RNLS: variants seen among roughly 807,000 people sequenced by gnomAD.
RNLS encodes the protein renalase.
RNLS carries 39 observed loss-of-function variants against 39.8 expected under a neutral mutation model. That is an observed-to-expected ratio of 0.98 (90% CI 0.76 to 1.28). The LOEUF is 1.28. RNLS is among the 50% of genes most tolerant of loss of function. The pLI is 0.00. For missense variants in RNLS, 410 were observed against 413.3 expected, an observed-to-expected ratio of 0.99 and a Z score of 0.07; for synonymous variants, 147 against 150.7, an observed-to-expected ratio of 0.98 and a Z score of 0.18.
At chr10:88,267,444 C>T in the RNLS span, among the ~76,000 whole-genome samples, 7 of 152,158 alleles carry the variant, frequency 4.6e-5, no homozygotes, top group East Asian at 5.8e-4. Context: ...AGTATGGTGG[C>T]GCAAATCTAT....
At chr10:88,554,754 G>C (rs961130891) in intron 4 of RNLS, among the ~76,000 whole-genome samples, 2 of 152,002 alleles carry the variant, frequency 1.3e-5, no homozygotes, top group Non-Finnish European at 2.9e-5. Flanking sequence ...TCTTATTCAA[G>C]ACCATGACTT....
At chr10:88,243,014 A>C in the RNLS span, among the ~76,000 whole-genome samples, 2 of 152,210 alleles carry the variant, frequency 1.3e-5, no homozygotes, top group Non-Finnish European at 2.9e-5. Flanking sequence ...TTTGGATACC[A>C]GCTCCACAGT....
chr10:88,474,040 C>T (rs1386253663), intron 4 of RNLS, among the ~76,000 whole-genome samples: 1 of 152,070 alleles, frequency 6.6e-6, no homozygotes, highest in Non-Finnish European at 1.5e-5. Flanking sequence ...ATGATACATG[C>T]TATCTCCATT....
At chr10:88,558,851 C>T (rs990179448) in intron 4 of RNLS, among the ~76,000 whole-genome samples, 5 of 152,122 alleles carry the variant, frequency 3.3e-5, no homozygotes, top group Non-Finnish European at 7.4e-5. Flanking sequence ...AGGCTAATAA[C>T]TGTTTTTTCT....
At chr10:88,358,907 T>C (rs1849407299) in intron 5 of RNLS, among the ~76,000 whole-genome samples, 1 of 152,230 alleles carries the variant, frequency 6.6e-6, no homozygotes, top group Non-Finnish European at 1.5e-5. Context: ...TTCTCTACCT[T>C]GACAGAACAC....
At chr10:88,543,353 A>T (rs2134294613) in intron 4 of RNLS, among the ~76,000 whole-genome samples, 1 of 152,274 alleles carries the variant, frequency 6.6e-6, no homozygotes, top group South Asian at 2.1e-4. Context: ...TGTCAGGAAC[A>T]ACCAAACACC....
the RNLS span, among the ~76,000 whole-genome samples, chr10:88,202,455 A>T: frequency 6.6e-6 from 1 of 152,086 alleles, no homozygotes; most frequent in Non-Finnish European, 1.5e-5. Flanking sequence ...TAAAAAAAAA[A>T]TGTATTTTTA....
intron 4 of RNLS, among the ~76,000 whole-genome samples, chr10:88,505,119 T>C (rs1332561534): frequency 2.0e-5 from 3 of 151,772 alleles, no homozygotes; most frequent in Admixed American, 6.6e-5. Context: ...ACATTCCCTA[T>C]TAAAAGAAAC....
At chr10:88,509,572 T>C (rs1192056870) in intron 4 of RNLS, among the ~76,000 whole-genome samples, 2 of 151,962 alleles carry the variant, frequency 1.3e-5, no homozygotes, top group Non-Finnish European at 2.9e-5. Context: ...ATATAAAGCA[T>C]TTGATTGCCT....
At chr10:88,231,968 G>GTGTGTGTC in the RNLS span, among the ~76,000 whole-genome samples, 6 of 142,178 alleles carry the variant, frequency 4.2e-5, no homozygotes, top group Non-Finnish European at 9.3e-5. Context: ...GTGTGTGTGT[G>GTGTGTGTC]TGTCTGTCTC....
chr10:88,419,868 T>G (rs926868469), intron 4 of RNLS, among the ~76,000 whole-genome samples: 1 of 151,754 alleles, frequency 6.6e-6, no homozygotes, highest in African/African-American at 2.4e-5. Context: ...AAATTAGCCA[T>G]GCATGGTGGT....
intron 4 of RNLS, among the ~76,000 whole-genome samples, chr10:88,489,935 TAGAGA>T (rs1844790552): frequency 6.6e-6 from 1 of 152,120 alleles, no homozygotes; most frequent in Admixed American, 6.6e-5. Context: ...GTTGAGCAAC[TAGAGA>T]TGAGATATTG....
chr10:88,358,398 GTTAGTAGGT>G (rs1165689825), intron 5 of RNLS, among the ~76,000 whole-genome samples: 1 of 152,180 alleles, frequency 6.6e-6, no homozygotes, highest in African/African-American at 2.4e-5. Flanking sequence ...TCTGTGGGAT[GTTAGTAGGT>G]TTGGTGCTGA....
chr10:88,382,850 C>T (rs1851635353), intron 4 of RNLS, among the ~76,000 whole-genome samples: 3 of 151,968 alleles, frequency 2.0e-5, no homozygotes, highest in African/African-American at 7.2e-5. Context: ...CTATAGGTGA[C>T]AACATTTCCA....
chr10:88,192,818 C>T, the RNLS span, among the ~76,000 whole-genome samples: 3 of 152,262 alleles, frequency 2.0e-5, no homozygotes, highest in South Asian at 6.2e-4. Context: ...AGGAAAGCTG[C>T]CATTTGTATT....
chr10:88,240,092 G>A, the RNLS span, among the ~76,000 whole-genome samples: 15 of 152,128 alleles, frequency 9.9e-5, no homozygotes, highest in African/African-American at 2.4e-4. Flanking sequence ...TTCCTTCTTC[G>A]CTCTGTTTTC....
At chr10:88,212,393 A>G in the RNLS span, among the ~76,000 whole-genome samples, 1 of 152,184 alleles carries the variant, frequency 6.6e-6, no homozygotes. Context: ...CTGTTGACCA[A>G]CTGTGATCTT....
rs577838661 is a variant in RNLS, at chr10:88,310,801, CAAAAAAAA to C, written c.876+3657_876+3664del. 5.1e-4 allele frequency among the ~76,000 whole-genome samples: 10 copies of C among 19,584 alleles called. No homozygotes were observed. The East Asian group carries it at 6.9e-3, about 13-fold the overall frequency. 12.8% of individuals were successfully genotyped at this position (19,584 alleles called of 152,430 possible). On this transcript the variant is annotated intron_variant, in intron 6 of 6. Coordinates refer to ENST00000331772, the MANE Select transcript of RNLS (RefSeq NM_001031709.3). Reference sequence around the variant, plus strand: ...TGACAGATTTAGAGCCTACCTCTGCCAAAAAAAAAAAAAAAAAAAAAAAAAAGAAAGAA... The same window carrying C: ...TGACAGATTTAGAGCCTACCTCTGCCAAAAAAAAAAAAAAAAAAGAAAGAA...
At chr10:88,378,892 G>A (rs1355128597) in intron 4 of RNLS, among the ~76,000 whole-genome samples, 1 of 152,094 alleles carries the variant, frequency 6.6e-6, no homozygotes, top group Non-Finnish European at 1.5e-5. Flanking sequence ...AACCTTCAGA[G>A]GGTGAAGGAG....
Sources: gnomAD v4.1 joint callset for allele counts (sites outside exome capture counted in the v4.1 genomes callset) on GRCh38, gnomAD v4.1.1 for gene constraint, MANE v1.5 for transcripts, NCBI Gene and HGNC (gene_info 2026-07-23, HGNC 2026-07-21) for gene names.